MGST1: variants seen among roughly 807,000 people sequenced by gnomAD.
MGST1 encodes the protein microsomal glutathione S-transferase 1.
Under a neutral mutation model 8.9 loss-of-function variants are expected in MGST1, and 5 were observed. The observed-to-expected ratio is 0.56, with a 90% CI of 0.29 to 1.19. The LOEUF is 1.19. MGST1 is among the 50% of genes most tolerant of loss of function. The probability of loss-of-function intolerance (pLI) is 0.08; values close to 1 mark genes in which losing one functional copy is unlikely to be tolerated. For synonymous variants in MGST1, 54 were observed against 67.8 expected (o/e 0.80, Z 1.00); for missense variants, 182 against 187.4 (o/e 0.97, Z 0.17).
rs1239419986 is a variant in MGST1, at chr12:16,537,548, G to A, written n.483-51980G>A. On this transcript the variant is annotated intron_variant and non_coding_transcript_variant, in intron 4 of 4. Transcript: ENST00000538857. The surrounding 1 kb of genome is among the most constrained non-coding windows in gnomAD (Gnocchi z 4.6). ...GCCCTAGCAGAGATTCTCCATGAGG[G>A]CCCTGCCTCTGCAGCACACTTTTGC... Among the ~76,000 whole-genome samples the A allele has an allele frequency of 6.6e-6, 1 of 152,198 alleles. No homozygotes were observed. Among genetic ancestry groups the A allele is most frequent in the East Asian group, 1.9e-4 (1 of 5,188 alleles).
chr12:16,413,674 G>A lies in MGST1; in HGVS notation n.779-23714G>A, dbSNP rs1940761164. Among the ~76,000 whole-genome samples, 2 of 151,998 alleles carry A rather than the reference G, an allele frequency of 1.3e-5. No homozygotes were observed. The highest frequency in any genetic ancestry group is 2.9e-5 in the Non-Finnish European group (2 of 68,000). Reference sequence around the variant, plus strand: ...TTATTTTTTTCCATACATTCTCAAGGAAGTGTCGGTTATCCCTTCTTTTTG... The same window carrying A: ...TTATTTTTTTCCATACATTCTCAAGAAAGTGTCGGTTATCCCTTCTTTTTG... On this transcript the variant is annotated intron_variant and non_coding_transcript_variant, in intron 1 of 1. Coordinates refer to the MGST1 transcript ENST00000359720. This position sits in a 1 kb window ranked among gnomAD's most constrained non-coding sequence, Gnocchi z 4.0.
chr12:16,366,849 GTATC>G (rs1377405313), downstream of MGST1, among the ~76,000 whole-genome samples: 2 of 152,096 alleles, frequency 1.3e-5, no homozygotes, highest in African/African-American at 4.8e-5. The surrounding 1 kb of genome is among the most constrained non-coding windows in gnomAD (Gnocchi z 4.0). Flanking sequence ...ATATTTATCT[GTATC>G]TATTATAGAG....
intron 4 of MGST1, among the ~76,000 whole-genome samples, chr12:16,552,969 T>C (rs892257394): frequency 1.3e-5 from 2 of 152,222 alleles, no homozygotes; most frequent in Non-Finnish European, 2.9e-5. Flanking sequence ...TAATTGAAAA[T>C]AAAACTTTGG....
At chr12:16,393,722 C>A (rs1940573168) in intron 1 of MGST1, among the ~76,000 whole-genome samples, 2 of 152,144 alleles carry the variant, frequency 1.3e-5, no homozygotes, top group South Asian at 4.1e-4. Context: ...TTATGTTACC[C>A]ACACTATTTT....
Position 16,482,914 on chromosome 12 carries a change from C to T in MGST1, n.482+99310C>T, listed in dbSNP as rs936791442. Among the ~76,000 whole-genome samples, 12 of 152,178 alleles carry T rather than the reference C, an allele frequency of 7.9e-5. No individual in the cohort carries two copies. The highest frequency in any genetic ancestry group is 1.3e-4 in the Admixed American group (2 of 15,280). On this transcript the variant is annotated intron_variant and non_coding_transcript_variant, in intron 4 of 4. Coordinates refer to the MGST1 transcript ENST00000538857. This position sits in a 1 kb window ranked among gnomAD's most constrained non-coding sequence, Gnocchi z 4.2. ...CAGCTCCTTTATTGCAACTTCATGA[C>T]GTGCTCTGGCTCAAATAATTCATGA...
chr12:16,526,404 C>T (rs1941687191), intron 4 of MGST1, among the ~76,000 whole-genome samples: 1 of 151,958 alleles, frequency 6.6e-6, no homozygotes, highest in South Asian at 2.1e-4. Context: ...ACCTTCCAGA[C>T]TCCTAGTGCG....
At chr12:16,404,287 AT>A (rs954429850) in intron 1 of MGST1, among the ~76,000 whole-genome samples, 2 of 152,004 alleles carry the variant, frequency 1.3e-5, no homozygotes, top group Non-Finnish European at 2.9e-5. Context: ...TACTTGATAT[AT>A]TTTTTCCATT....
At chr12:16,588,587 C>G (rs997417873) in intron 4 of MGST1, among the ~76,000 whole-genome samples, 9 of 151,980 alleles carry the variant, frequency 5.9e-5, no homozygotes, top group African/African-American at 1.9e-4. Flanking sequence ...GTAATTCTCC[C>G]AAAGATCCAA....
chr12:16,354,095 C>T, intron 1 of MGST1, 136 bp from the exon 2 acceptor site: 1 of 684,052 alleles, frequency 1.5e-6, no homozygotes, highest in Non-Finnish European at 2.3e-6. Flanking sequence ...ACTAAACAAT[C>T]ATTTCTTCTG....
chr12:16,503,933 A>G lies in MGST1; in HGVS notation n.483-85595A>G, dbSNP rs1418273175. 1.3e-5 allele frequency among the ~76,000 whole-genome samples: 2 copies of G among 152,200 alleles called. No homozygotes were observed. Among genetic ancestry groups the G allele is most frequent in the African/African-American group, 2.4e-5 (1 of 41,464 alleles). ...GTAGCCCTGCTCTGCAAGGCACAGT[A>G]CCTCCGGTGCTGCTGTATGCTGCTG... On this transcript the variant is annotated intron_variant and non_coding_transcript_variant, in intron 4 of 4. Transcript: ENST00000538857. This position sits in a 1 kb window ranked among gnomAD's most constrained non-coding sequence, Gnocchi z 4.8.
At chr12:16,437,491 T>A (rs979703706) in exon 2 of MGST1, 3 of 151,976 alleles carry the variant, frequency 2.0e-5, no homozygotes, top group Non-Finnish European at 4.4e-5. Context: ...TTCTGCAGTC[T>A]TCATGGGTGC....
intron 4 of MGST1, among the ~76,000 whole-genome samples, chr12:16,516,153 C>T (rs1591749680): frequency 1.3e-5 from 2 of 152,160 alleles, no homozygotes; most frequent in African/African-American, 4.8e-5. Context: ...TTCTGGCTTA[C>T]GAGGTCTGTA....
In MGST1 at chr12:16,547,754, G is replaced by A. The variant is rs1941843952; in HGVS notation, n.483-41774G>A. The stretch of plus-strand genomic sequence containing the variant: ...AAAAGTAATGATCAAAAAGGCTTTT[G>A]CTAAAATTGTATTTTGTGCTAATGG... On this transcript the variant is annotated intron_variant and non_coding_transcript_variant, in intron 4 of 4. Transcript: ENST00000538857. This position sits in a 1 kb window ranked among gnomAD's most constrained non-coding sequence, Gnocchi z 4.6. 6.6e-6 allele frequency among the ~76,000 whole-genome samples: 1 copy of A among 152,060 alleles called. No homozygotes were observed. Among genetic ancestry groups the A allele is most frequent in the Non-Finnish European group, 1.5e-5 (1 of 67,982 alleles).
rs543661102 is a variant in MGST1, at chr12:16,559,867, C to T, written n.483-29661C>T. On this transcript the variant is annotated intron_variant and non_coding_transcript_variant, in intron 4 of 4. Coordinates refer to the MGST1 transcript ENST00000538857. The surrounding 1 kb of genome is among the most constrained non-coding windows in gnomAD (Gnocchi z 4.1). The stretch of plus-strand genomic sequence containing the variant: ...CTCCCAGCTACTCGGGAGGCTGAGG[C>T]AGGAGGATTGCTTGAGCACAGAAGT... Among the ~76,000 whole-genome samples, 54 of 151,538 alleles carry T rather than the reference C, an allele frequency of 3.6e-4. No individual in the cohort carries two copies. Among genetic ancestry groups the T allele is most frequent in the African/African-American group, 1.3e-3 (53 of 41,324 alleles).
intron 2 of MGST1, chr12:16,357,390 G>A: frequency 2.3e-6 from 1 of 436,492 alleles, no homozygotes; most frequent in South Asian, 3.6e-5. Flanking sequence ...CTCCTGAGTA[G>A]CTAGGACCAC....
intron 4 of MGST1, among the ~76,000 whole-genome samples, chr12:16,536,082 A>AGT (rs10579042): frequency 0.038 from 5,467 of 145,380 alleles, 184 homozygotes; most frequent in East Asian, 0.1. Flanking sequence ...GGTGTGTGTG[A>AGT]GTGTGTGTGT....
At chr12:16,556,497 T>C (rs947799629) in intron 4 of MGST1, among the ~76,000 whole-genome samples, 15 of 152,340 alleles carry the variant, frequency 9.8e-5, no homozygotes, top group African/African-American at 3.1e-4. Context: ...TGGATCTTAA[T>C]GATACTTTGA....
At chr12:16,511,298 C>T (rs1009881457) in intron 4 of MGST1, among the ~76,000 whole-genome samples, 13 of 152,194 alleles carry the variant, frequency 8.5e-5, no homozygotes, top group African/African-American at 2.9e-4. Flanking sequence ...CTAACTGGCC[C>T]CTGTGGGGCT....
chr12:16,378,289 G>A (rs866959828), downstream of MGST1, among the ~76,000 whole-genome samples: 1 of 151,488 alleles, frequency 6.6e-6, no homozygotes, highest in Non-Finnish European at 1.5e-5. Context: ...GGTCTAACAT[G>A]TAAGTCTTTA....
Sources: gnomAD v4.1 joint callset for allele counts (sites outside exome capture counted in the v4.1 genomes callset) on GRCh38, gnomAD v4.1.1 for gene constraint, Gnocchi (gnomAD v3.1) non-coding constraint, MANE v1.5 for transcripts, NCBI Gene and HGNC (gene_info 2026-07-23, HGNC 2026-07-21) for gene names.